TRPC5: variants seen among roughly 807,000 people sequenced by gnomAD.
TRPC5 encodes short transient receptor potential channel 5.
TRPC5 carries 9 observed loss-of-function variants against 56.5 expected under a neutral mutation model. The observed-to-expected ratio is 0.16, with a 90% CI of 0.10 to 0.28. The LOEUF is 0.28. Among genes scored for constraint, TRPC5 ranks in the 10% least tolerant of loss-of-function variants. The pLI, the probability that TRPC5 is intolerant of heterozygous loss-of-function variation, is 1.00. For synonymous variants in TRPC5, 282 were observed against 278.5 expected (o/e 1.01, Z -0.13); for missense variants, 469 against 748.9 (o/e 0.63, Z 4.36).
At chrX:111,951,978 C>T in intron 2 of TRPC5, 65 bp downstream of exon 2, 1 of 1,145,088 alleles carries the variant, frequency 8.7e-7, no homozygotes, top group Non-Finnish European at 1.2e-6. Context: ...TCCCTAGTTT[C>T]AGGGCTTCTG....
chrX:112,041,298 A>G (rs959351520), intron 1 of TRPC5, among the ~76,000 whole-genome samples: 1 of 112,083 alleles, frequency 8.9e-6, no homozygotes, highest in Non-Finnish European at 1.9e-5. Context: ...GTTAATAATT[A>G]TAAGCATTAG....
intron 6 of TRPC5, among the ~76,000 whole-genome samples, chrX:111,840,593 G>A (rs903309682): frequency 3.6e-5 from 4 of 111,611 alleles, no homozygotes; most frequent in African/African-American, 9.8e-5. Flanking sequence ...TTGGCTATAC[G>A]TCTATAAAGT....
chrX:111,903,507 G>T lies in TRPC5; in HGVS notation c.900+8784C>A, dbSNP rs992848485. On this transcript the variant is annotated intron_variant, in intron 3 of 10. Coordinates refer to ENST00000262839, the MANE Select transcript of TRPC5 (RefSeq NM_012471.3). ...ATGTTGCTATAAACAGCTGGTAGGC[G>T]ATTGACATAAGTCATGTATCTGAAA... The T allele has an allele frequency of 2.7e-5, 3 of 112,175 alleles. No individual in the cohort carries two copies. The Admixed American group carries it at 2.8e-4, about 11-fold the overall frequency. 9.2% of individuals were successfully genotyped at this position (112,175 alleles called of 1,213,427 possible). A position where few individuals can be genotyped will look rare whatever the true frequency, so the allele number is the denominator to read the frequency against.
At chrX:112,061,720 G>T (rs769303209) in intron 1 of TRPC5, among the ~76,000 whole-genome samples, 50 of 111,557 alleles carry the variant, frequency 4.5e-4, no homozygotes, top group African/African-American at 1.6e-3. Context: ...TGTGTGTAGG[G>T]GGTCTAGTGG....
At chrX:111,929,833 G>A (rs1926358796) in intron 2 of TRPC5, among the ~76,000 whole-genome samples, 1 of 112,345 alleles carries the variant, frequency 8.9e-6, no homozygotes, top group African/African-American at 3.2e-5. Flanking sequence ...CTACCCAACA[G>A]TTGAGGGATG....
chrX:111,932,239 C>T (rs1211758935), intron 2 of TRPC5, among the ~76,000 whole-genome samples: 1 of 111,614 alleles, frequency 9.0e-6, no homozygotes, highest in Admixed American at 9.5e-5. Flanking sequence ...ACAGACAAAA[C>T]AAAGGGGTAT....
In TRPC5 at chrX:111,776,263, G is replaced by A. The variant is rs1343289800; in HGVS notation, c.*50C>T. 9.2e-7 allele frequency: 1 copy of A among 1,087,874 alleles called. No homozygotes were observed. Among genetic ancestry groups the A allele is most frequent in the Non-Finnish European group, 1.2e-6 (1 of 826,156 alleles). 89.7% of individuals were successfully genotyped at this position (1,087,874 alleles called of 1,213,427 possible). A position where few individuals can be genotyped will look rare whatever the true frequency, so the allele number is the denominator to read the frequency against. On this transcript the variant is annotated 3_prime_UTR_variant, in exon 11 of 11. Coordinates refer to ENST00000262839, the MANE Select transcript of TRPC5 (RefSeq NM_012471.3). The stretch of plus-strand genomic sequence containing the variant: ...TATTCTGTGTCACCTCTGAGAGCAA[G>A]GAAATTACAGATTTCTGTTGAGTTC...
intron 1 of TRPC5, among the ~76,000 whole-genome samples, chrX:111,975,618 C>T (rs1166709520): frequency 2.7e-5 from 3 of 111,149 alleles, no homozygotes; most frequent in Admixed American, 9.5e-5. Context: ...ATGTTACAGC[C>T]GGGCGTGGGG....
chrX:111,952,269 G>A lies in TRPC5; in HGVS notation c.152C>T (p.Ala51Val). 1 of 1,211,896 alleles carries A rather than the reference G, an allele frequency of 8.3e-7. No individual in the cohort carries two copies. The highest frequency in any genetic ancestry group is 1.1e-6 in the Non-Finnish European group (1 of 895,581). Residue 51 changes from alanine (A) to valine (V), a missense_variant, in exon 2 of 11, where the codon GCC becomes GTC. Coordinates refer to ENST00000262839, the MANE Select transcript of TRPC5 (RefSeq NM_012471.3). ...EKGDYATVKQ[A>V]LQEAEIYYNV... is the part of the protein sequence containing the mutation. ...ATAGTAGATCTCAGCCTCCTGAAGG[G>A]CCTGCTTCACAGTGGCATAGTCCCC...
chrX:111,837,906 C>A (rs868369592), intron 6 of TRPC5, among the ~76,000 whole-genome samples: 400 of 41,955 alleles, frequency 9.5e-3, no homozygotes, highest in African/African-American at 0.012. Flanking sequence ...GCCCCGTTAT[C>A]AAAAAAAAAA....
chrX:111,777,365 A>G (rs1400733534), intron 10 of TRPC5, among the ~76,000 whole-genome samples: 1 of 111,130 alleles, frequency 9.0e-6, no homozygotes, highest in Non-Finnish European at 1.9e-5. Flanking sequence ...ACTGAAGAGG[A>G]AAAAGCTTTT....
chrX:111,798,662 A>G (rs1921192490), intron 7 of TRPC5, among the ~76,000 whole-genome samples: 1 of 112,006 alleles, frequency 8.9e-6, no homozygotes, highest in African/African-American at 3.2e-5. Flanking sequence ...AAAATAAAAA[A>G]AAAAGGAAAT....
intron 1 of TRPC5, among the ~76,000 whole-genome samples, chrX:112,020,789 G>A (rs1929253634): frequency 9.0e-6 from 1 of 110,963 alleles, no homozygotes; most frequent in African/African-American, 3.3e-5. Flanking sequence ...ATCAGCTTAG[G>A]TTATTTATTG....
At chrX:111,792,958 C>T (rs746390426) in intron 7 of TRPC5, among the ~76,000 whole-genome samples, 2 of 111,949 alleles carry the variant, frequency 1.8e-5, no homozygotes, top group Non-Finnish European at 3.8e-5. Flanking sequence ...ACAAGTTCAG[C>T]AGCTACAGCC....
chrX:111,944,386 C>T (rs769528465), intron 2 of TRPC5, among the ~76,000 whole-genome samples: 1 of 108,136 alleles, frequency 9.2e-6, no homozygotes, highest in Non-Finnish European at 1.9e-5. Flanking sequence ...ACTAGGGAAA[C>T]TCTGCTTGGG....
intron 1 of TRPC5, among the ~76,000 whole-genome samples, chrX:112,077,805 T>G (rs1026346481): frequency 3.6e-5 from 4 of 112,181 alleles, no homozygotes; most frequent in African/African-American, 1.3e-4. Context: ...GGTAAGAATA[T>G]CCGTCTGCAA....
rs1945846349 is a variant in TRPC5, at chrX:111,772,040, A to G, written c.*4273T>C. Among the ~76,000 whole-genome samples the G allele has an allele frequency of 1.8e-5, 2 of 111,586 alleles. No individual in the cohort carries two copies. The highest frequency in any genetic ancestry group is 6.5e-5 in the African/African-American group (2 of 30,665). On this transcript the variant is annotated 3_prime_UTR_variant, in exon 11 of 11. Transcript: ENST00000262839. ...TATACACAGACACGTTCTCACTTTT[A>G]CAGACATCCCTCAAAAGGCAAAGCA...
At chrX:112,066,881 C>A (rs1930596771) in intron 1 of TRPC5, among the ~76,000 whole-genome samples, 1 of 112,465 alleles carries the variant, frequency 8.9e-6, no homozygotes, top group Non-Finnish European at 1.9e-5. Flanking sequence ...CTTGTTCATA[C>A]ATGATCTTCC....
chrX:112,032,451 G>A (rs1024593810), intron 1 of TRPC5, among the ~76,000 whole-genome samples: 6 of 111,934 alleles, frequency 5.4e-5, no homozygotes, highest in African/African-American at 1.9e-4. Flanking sequence ...GCATTCCTAT[G>A]TTTATTGAAG....
Sources: gnomAD v4.1 joint callset for allele counts (sites outside exome capture counted in the v4.1 genomes callset) on GRCh38, gnomAD v4.1.1 for gene constraint, MANE v1.5 for transcripts, NCBI Gene and HGNC (gene_info 2026-07-23, HGNC 2026-07-21) for gene names.